SLC39A8: variants seen among roughly 807,000 people sequenced by gnomAD.
SLC39A8 encodes the protein metal cation symporter ZIP8.
Under a neutral mutation model 40.4 loss-of-function variants are expected in SLC39A8, and 15 were observed. The observed-to-expected ratio is 0.37, with a 90% CI of 0.25 to 0.57. The LOEUF (loss-of-function observed/expected upper bound fraction) is 0.57, where lower values mean the gene tolerates loss of function less well. SLC39A8 is among the 20% of genes least tolerant of loss of function. SLC39A8 has a pLI of 0.75. For synonymous variants in SLC39A8, 223 were observed against 221.6 expected (o/e 1.01, Z -0.06); for missense variants, 472 against 558.8 (o/e 0.84, Z 1.57).
At chr4:102,341,332 A>G (rs1315657841) in intron 2 of SLC39A8, among the ~76,000 whole-genome samples, 6 of 152,326 alleles carry the variant, frequency 3.9e-5, no homozygotes, top group Middle Eastern at 6.8e-3. Context: ...TTTAACCACT[A>G]TCTACACATA....
At chr4:102,279,872 A>G (rs570086392) in intron 6 of SLC39A8, among the ~76,000 whole-genome samples, 2 of 152,252 alleles carry the variant, frequency 1.3e-5, no homozygotes, top group Admixed American at 1.3e-4. Flanking sequence ...CACATGGAGG[A>G]CAAGATTGGA....
rs567631478 is a variant in SLC39A8 at position 102,319,928 on chromosome 4, A to G, written c.220-4098T>C. 5.3e-5 allele frequency among the ~76,000 whole-genome samples: 8 copies of G among 151,986 alleles called. No individual in the cohort carries two copies. The South Asian group carries it at 1.5e-3, about 28-fold the overall frequency. The stretch of plus-strand genomic sequence containing the variant: ...AAGGTCTGAACAGAACAAAAGGCAG[A>G]GGAAGGAATTTGTCCCTTTTTTCCT... On this transcript the variant is annotated intron_variant, in intron 2 of 8. Transcript: ENST00000356736.
At chr4:102,277,038 A>G (rs928249667) in intron 6 of SLC39A8, among the ~76,000 whole-genome samples, 1 of 152,206 alleles carries the variant, frequency 6.6e-6, no homozygotes. Context: ...CTTCATAGTC[A>G]ATGGGCAAAA....
chr4:102,300,852 C>T (rs1733895121), intron 6 of SLC39A8, among the ~76,000 whole-genome samples: 1 of 151,820 alleles, frequency 6.6e-6, no homozygotes. Flanking sequence ...GTAATACTTA[C>T]TCTCTTAAAG....
rs143526887 is a variant in SLC39A8 at position 102,267,553 on chromosome 4, G to C, written c.1170C>G (p.Phe390Leu). Residue 390 changes from phenylalanine to leucine, a missense_variant, in exon 8 of 9, where the codon TTC becomes TTG. By Grantham distance (22) the Phe-to-Leu change is conservative. Coordinates refer to ENST00000356736, the MANE Select transcript of SLC39A8 (RefSeq NM_001135146.2). Reference protein sequence around the residue: ...LAFGILVGNNFAPNIIFALAG... With the variant: ...LAFGILVGNNLAPNIIFALAG... ...CAAGTGCAAATATAATATTTGGAGC[G>C]AAATTGTTGCCCACCAAAATGCCAA... The C allele has an allele frequency of 6.2e-7, 1 of 1,613,974 alleles. No homozygotes were observed. The highest frequency in any genetic ancestry group is 8.5e-7 in the Non-Finnish European group (1 of 1,179,972).
intron 6 of SLC39A8, among the ~76,000 whole-genome samples, chr4:102,277,955 C>T (rs1368033591): frequency 2.0e-5 from 3 of 152,096 alleles, no homozygotes; most frequent in African/African-American, 4.8e-5. Context: ...GAAACTGGAC[C>T]CCTTCCTTAC....
intron 5 of SLC39A8, 112 bp from the exon 6 acceptor site, chr4:102,304,593 T>C: frequency 1.2e-6 from 1 of 804,170 alleles, no homozygotes; most frequent in South Asian, 2.1e-5. Flanking sequence ...GTATGTCTAT[T>C]CTATGTGTAA....
chr4:102,254,588 C>G (rs1731668630), intron 11 of SLC39A8, among the ~76,000 whole-genome samples: 1 of 152,156 alleles, frequency 6.6e-6, no homozygotes. Flanking sequence ...AGCCAGATGT[C>G]TGTAAAAATC....
chr4:102,317,305 C>A (rs7436937), intron 2 of SLC39A8, among the ~76,000 whole-genome samples: 106,182 of 152,052 alleles, frequency 0.7, 38,250 homozygotes, highest in Middle Eastern at 0.85. Context: ...AGTTGTCCAA[C>A]GCTAAGATTA....
At chr4:102,307,839 G>GTAATA (rs1734255322) in intron 3 of SLC39A8, among the ~76,000 whole-genome samples, 1 of 152,026 alleles carries the variant, frequency 6.6e-6, no homozygotes, top group Non-Finnish European at 1.5e-5. Flanking sequence ...ATCATTATGG[G>GTAATA]ATTAATGAGT....
At position 102,268,103 on chromosome 4, in the gene SLC39A8, A is replaced by C. The variant is rs746175341; in HGVS notation, c.841-24T>G. The C allele has an allele frequency of 2.5e-6, 4 of 1,609,772 alleles. No homozygotes were observed. The South Asian group carries it at 4.4e-5, about 18-fold the overall frequency. ...TCCTAGCAGAAAATCAATTAAAATG[A>C]TAACCAACATTTCTTGAAAGTCTCA... On this transcript the variant is annotated intron_variant, in intron 6 of 8. Transcript: ENST00000356736.
At chr4:102,263,811 G>C (rs1731970770) in intron 8 of SLC39A8, among the ~76,000 whole-genome samples, 1 of 152,136 alleles carries the variant, frequency 6.6e-6, no homozygotes, top group Non-Finnish European at 1.5e-5. Context: ...ATGTTCACCA[G>C]GAATAGATTC....
At chr4:102,274,597 G>A (rs1031844842) in intron 6 of SLC39A8, among the ~76,000 whole-genome samples, 7 of 152,112 alleles carry the variant, frequency 4.6e-5, no homozygotes, top group Non-Finnish European at 8.8e-5. Flanking sequence ...AGGAAATACA[G>A]AGAACACCAC....
chr4:102,271,763 T>C lies in SLC39A8; in HGVS notation c.841-3684A>G, dbSNP rs76290314. ...ATGGACTTATAGTGCAACTGATATA[T>C]AGCCAAGGTTTCCTGTGAAAACTAT... On this transcript the variant is annotated intron_variant, in intron 6 of 8. Transcript: ENST00000356736. 2.0e-4 allele frequency among the ~76,000 whole-genome samples: 31 copies of C among 152,348 alleles called. No individual in the cohort carries two copies. The East Asian group carries it at 3.5e-3, about 17-fold the overall frequency.
In SLC39A8 at chr4:102,279,105, C is replaced by T. The variant is rs181042842; in HGVS notation, c.841-11026G>A. Reference sequence around the variant, plus strand: ...GCACATGTATACCTATATAACAAACCTACACGTTCTGCACATGTATCCCAA... The same window carrying T: ...GCACATGTATACCTATATAACAAACTTACACGTTCTGCACATGTATCCCAA... On this transcript the variant is annotated intron_variant, in intron 6 of 8. Transcript: ENST00000356736. Among the ~76,000 whole-genome samples the T allele has an allele frequency of 6.1e-4, 93 of 151,890 alleles. 1 individual carries two copies. The East Asian group carries it at 0.017, about 27-fold the overall frequency.
At chr4:102,267,828 T>C in intron 7 of SLC39A8, 44 bp downstream of exon 7, 1 of 1,598,548 alleles carries the variant, frequency 6.3e-7, no homozygotes, top group Non-Finnish European at 8.5e-7. Flanking sequence ...TCCACTGAAA[T>C]CAAGAAGTAA....
Position 102,277,494 on chromosome 4 carries a change from G to A in SLC39A8, c.841-9415C>T, listed in dbSNP as rs1309703007. On this transcript the variant is annotated intron_variant, in intron 6 of 8. Coordinates refer to ENST00000356736, the MANE Select transcript of SLC39A8 (RefSeq NM_001135146.2). Reference sequence around the variant, plus strand: ...ACTGCTCAACAAAATAAGAGAGGACGCAAACAAATGAAAAACATTCCATGC... The same window carrying A: ...ACTGCTCAACAAAATAAGAGAGGACACAAACAAATGAAAAACATTCCATGC... Among the ~76,000 whole-genome samples the A allele has an allele frequency of 1.3e-4, 19 of 151,990 alleles. No homozygotes were observed. The South Asian group carries it at 2.1e-3, about 17-fold the overall frequency.
intron 6 of SLC39A8, among the ~76,000 whole-genome samples, chr4:102,280,758 G>T (rs1234132836): frequency 1.3e-5 from 2 of 152,260 alleles, no homozygotes; most frequent in East Asian, 3.9e-4. Context: ...AACTCTCTTT[G>T]CTAATTAAAA....
At chr4:102,303,094 T>C (rs1411693563) in intron 6 of SLC39A8, among the ~76,000 whole-genome samples, 1 of 151,888 alleles carries the variant, frequency 6.6e-6, no homozygotes, top group African/African-American at 2.4e-5. Flanking sequence ...TTTTTTTGCT[T>C]TTTTTCCCCT....
Sources: allele counts gnomAD v4.1 joint callset (sites outside exome capture counted in the v4.1 genomes callset), GRCh38; gene constraint gnomAD v4.1.1; transcripts MANE v1.5; gene names NCBI Gene and HGNC (gene_info 2026-07-23, HGNC 2026-07-21).